CNTNAP5: variants seen among roughly 807,000 people sequenced by gnomAD.
The protein encoded by CNTNAP5 is contactin associated protein family member 5, also known as contactin-associated protein-like 5.
CNTNAP5 carries 72 observed loss-of-function variants against 150.2 expected under a neutral mutation model. The observed-to-expected ratio is 0.48, with a 90% CI of 0.40 to 0.58. CNTNAP5 has a LOEUF of 0.58. Ranked by LOEUF, CNTNAP5 falls within the 20% of genes least tolerant of loss-of-function variation. CNTNAP5 has a pLI of 0.00. For synonymous variants in CNTNAP5, 672 were observed against 619.8 expected (o/e 1.08, Z -1.25); for missense variants, 1,636 against 1,626.2 (o/e 1.01, Z -0.10).
intron 13 of CNTNAP5, among the ~76,000 whole-genome samples, chr2:124,655,840 G>T (rs1043678081): frequency 6.6e-6 from 1 of 151,322 alleles, no homozygotes; most frequent in South Asian, 2.1e-4. Flanking sequence ...GTTCTAGGCT[G>T]CAGTGAGCTA....
chr2:124,198,128 AATTTTT>A (rs1685635803), intron 1 of CNTNAP5, among the ~76,000 whole-genome samples: 1 of 151,922 alleles, frequency 6.6e-6, no homozygotes, highest in Non-Finnish European at 1.5e-5. Flanking sequence ...TTTCCACTTT[AATTTTT>A]ATCTGTCTAA....
At chr2:124,342,519 G>A (rs905569157) in intron 3 of CNTNAP5, among the ~76,000 whole-genome samples, 3 of 152,110 alleles carry the variant, frequency 2.0e-5, no homozygotes, top group Non-Finnish European at 4.4e-5. Context: ...AAAATGGTCA[G>A]ATTATATCTG....
intron 13 of CNTNAP5, among the ~76,000 whole-genome samples, chr2:124,674,707 T>C (rs775588164): frequency 2.4e-4 from 37 of 151,668 alleles, no homozygotes; most frequent in Non-Finnish European, 4.9e-4. Context: ...TGTTTCAAAG[T>C]TTTTCTTATT....
At chr2:124,690,482 TG>T (rs1440352577) in intron 13 of CNTNAP5, among the ~76,000 whole-genome samples, 1 of 152,154 alleles carries the variant, frequency 6.6e-6, no homozygotes, top group African/African-American at 2.4e-5. Context: ...CAGATGTCCC[TG>T]TTTCCAGTTC....
In CNTNAP5 at chr2:124,893,593, C is replaced by T. The variant is rs958064068; in HGVS notation, c.3437-9289C>T. ...TAGTATTATTATGGAGCAATAACTA[C>T]AAAGGGCATCCTGAGTGGAATGTAA... On this transcript the variant is annotated intron_variant, in intron 21 of 23. Transcript: ENST00000682447. Among the ~76,000 whole-genome samples, 8 of 152,072 alleles carry T rather than the reference C, an allele frequency of 5.3e-5. No individual in the cohort carries two copies. In the South Asian group the frequency reaches 1.5e-3, roughly 28 times the overall value.
chr2:124,444,106 G>A (rs1425718166), intron 5 of CNTNAP5, among the ~76,000 whole-genome samples: 1 of 151,882 alleles, frequency 6.6e-6, no homozygotes, highest in African/African-American at 2.4e-5. Flanking sequence ...TGGCGGTGGT[G>A]GTGTTCTTTG....
At chr2:124,160,748 G>A (rs529864428) in intron 1 of CNTNAP5, among the ~76,000 whole-genome samples, 4 of 152,250 alleles carry the variant, frequency 2.6e-5, no homozygotes, top group African/African-American at 9.6e-5. Flanking sequence ...TATTGCTTCT[G>A]CACAAGCAAA....
rs551465053 is a variant in CNTNAP5 at position 124,306,239 on chromosome 2, C to T, written c.381+63846C>T. 2.0e-5 allele frequency among the ~76,000 whole-genome samples: 3 copies of T among 152,226 alleles called. 1 individual carries two copies. The South Asian group carries it at 6.2e-4, about 32-fold the overall frequency. On this transcript the variant is annotated intron_variant, in intron 3 of 23. Coordinates refer to ENST00000682447, the MANE Select transcript of CNTNAP5 (RefSeq NM_001367498.1). The stretch of plus-strand genomic sequence containing the variant: ...CAGCTATGTTGTTCCTCTCTTCCTC[C>T]CCAAAGTGCTCCCAGTCGCTCCCAC...
chr2:124,323,359 G>A (rs1301471123), intron 3 of CNTNAP5, among the ~76,000 whole-genome samples: 1 of 152,178 alleles, frequency 6.6e-6, no homozygotes, highest in African/African-American at 2.4e-5. Flanking sequence ...CTCAAGTCAA[G>A]ACCTACTCTT....
intron 1 of CNTNAP5, among the ~76,000 whole-genome samples, chr2:124,053,362 A>G (rs779551504): frequency 5.9e-5 from 9 of 152,186 alleles, no homozygotes; most frequent in Non-Finnish European, 1.0e-4. Flanking sequence ...TCTGATAGAA[A>G]CTAAATACTT....
chr2:124,504,919 G>A (rs1694368375), intron 8 of CNTNAP5, among the ~76,000 whole-genome samples: 2 of 151,958 alleles, frequency 1.3e-5, no homozygotes, highest in Non-Finnish European at 2.9e-5. Flanking sequence ...TGTTGGCCAG[G>A]ATGGTCTGCA....
At chr2:124,841,955 A>G (rs1268138339) in intron 19 of CNTNAP5, among the ~76,000 whole-genome samples, 1 of 150,310 alleles carries the variant, frequency 6.7e-6, no homozygotes, top group Non-Finnish European at 1.5e-5. Context: ...AGTTACCAAA[A>G]CTTAAAAAAA....
chr2:124,128,664 A>G (rs1683773125), intron 1 of CNTNAP5, among the ~76,000 whole-genome samples: 1 of 152,208 alleles, frequency 6.6e-6, no homozygotes, highest in African/African-American at 2.4e-5. Context: ...ACCAACCCAA[A>G]TGTCCATCAA....
chr2:124,725,315 A>T (rs766117075), intron 13 of CNTNAP5, among the ~76,000 whole-genome samples: 1 of 152,132 alleles, frequency 6.6e-6, no homozygotes, highest in East Asian at 1.9e-4. Context: ...TTGAAGAATA[A>T]TTGACAAAAA....
chr2:124,351,914 A>C (rs1689882885), intron 3 of CNTNAP5, among the ~76,000 whole-genome samples: 1 of 152,216 alleles, frequency 6.6e-6, no homozygotes, highest in African/African-American at 2.4e-5. Flanking sequence ...GGAGGAGTAA[A>C]AAGGTAAACA....
chr2:124,239,089 G>A (rs932462031), intron 2 of CNTNAP5, among the ~76,000 whole-genome samples: 1 of 152,144 alleles, frequency 6.6e-6, no homozygotes, highest in African/African-American at 2.4e-5. Context: ...TGGTTAATTT[G>A]GGGGAGATTA....
chr2:124,598,198 C>T (rs901368308), intron 11 of CNTNAP5, among the ~76,000 whole-genome samples: 3 of 139,494 alleles, frequency 2.2e-5, no homozygotes, highest in Non-Finnish European at 3.1e-5. Context: ...GAACTGCGTT[C>T]CTTTGGAGGA....
intron 13 of CNTNAP5, among the ~76,000 whole-genome samples, chr2:124,729,852 A>G (rs554928626): frequency 2.0e-5 from 3 of 152,112 alleles, no homozygotes; most frequent in Non-Finnish European, 2.9e-5. Context: ...TCATTTTTTT[A>G]TAATGTGCTT....
intron 3 of CNTNAP5, among the ~76,000 whole-genome samples, chr2:124,284,525 G>A (rs1218711387): frequency 1.3e-5 from 2 of 152,064 alleles, no homozygotes; most frequent in Non-Finnish European, 2.9e-5. Flanking sequence ...ATTCCTAGGC[G>A]ATGGGTTGAT....
Sources: allele counts gnomAD v4.1 joint callset (sites outside exome capture counted in the v4.1 genomes callset), GRCh38; gene constraint gnomAD v4.1.1; transcripts MANE v1.5; gene names NCBI Gene and HGNC (gene_info 2026-07-23, HGNC 2026-07-21).